ESRRG: variants seen among roughly 807,000 people sequenced by gnomAD.
ESRRG encodes estrogen-related receptor gamma.
A neutral mutation model predicts 44.0 loss-of-function variants in ESRRG; 13 were observed. The ratio of observed to expected loss-of-function variants is 0.30; its 90% CI spans 0.19 to 0.47. The LOEUF is 0.47. Ranked by LOEUF, ESRRG falls within the 20% of genes least tolerant of loss-of-function variation. ESRRG has a pLI of 1.00. For missense variants in ESRRG, 395 were observed against 580.6 expected (o/e 0.68, Z 3.29); for synonymous variants, 215 against 214.6 (o/e 1.00, Z -0.02).
intron 1 of ESRRG, among the ~76,000 whole-genome samples, chr1:217,054,930 G>A (rs2086786879): frequency 6.6e-6 from 1 of 152,144 alleles, no homozygotes; most frequent in South Asian, 2.1e-4. Context: ...CTCTGGTTGT[G>A]ATTGTAGCAC....
chr1:216,640,479 C>T (rs2066172091), intron 3 of ESRRG, among the ~76,000 whole-genome samples: 1 of 117,502 alleles, frequency 8.5e-6, no homozygotes, highest in African/African-American at 3.4e-5. Flanking sequence ...CCTCAACCTA[C>T]TAAGTGAGGG....
chr1:216,669,867 C>A (rs1382798298), intron 2 of ESRRG, among the ~76,000 whole-genome samples: 1 of 150,276 alleles, frequency 6.7e-6, no homozygotes. Flanking sequence ...GCCTGGGTAA[C>A]AGAAAGAGAC....
In ESRRG at chr1:216,735,816, T is replaced by C. The variant is rs2089757369; in HGVS notation, c.-13-58325A>G. Among the ~76,000 whole-genome samples, 4 of 151,436 alleles carry C rather than the reference T, an allele frequency of 2.6e-5. No homozygotes were observed. The South Asian group carries it at 8.4e-4, about 32-fold the overall frequency. On this transcript the variant is annotated intron_variant, in intron 2 of 7. Transcript: ENST00000359162. ...CAAGATGGTGAAACCCCGTCTCTAC[T>C]AAAAATACAAAAATTAGCCAGGCAT...
At chr1:216,747,704 G>A (rs748439835) in intron 2 of ESRRG, among the ~76,000 whole-genome samples, 3 of 152,122 alleles carry the variant, frequency 2.0e-5, no homozygotes, top group African/African-American at 7.2e-5. Context: ...TGAGCGAAAC[G>A]TTCAATCATT....
intron 3 of ESRRG, among the ~76,000 whole-genome samples, chr1:216,577,416 A>G (rs1405871118): frequency 6.6e-6 from 1 of 152,022 alleles, no homozygotes; most frequent in East Asian, 1.9e-4. Context: ...TCATATGAAT[A>G]AAGTTATGAA....
chr1:216,689,169 A>AT (rs970006016), intron 1 of ESRRG, among the ~76,000 whole-genome samples: 1 of 152,172 alleles, frequency 6.6e-6, no homozygotes, highest in African/African-American at 2.4e-5. Flanking sequence ...TGTTAAATGT[A>AT]TTTTATTGCT....
At chr1:216,755,506 T>C (rs2092388005) in intron 2 of ESRRG, among the ~76,000 whole-genome samples, 1 of 152,084 alleles carries the variant, frequency 6.6e-6, no homozygotes, top group Admixed American at 6.6e-5. Context: ...AAAATAGCTT[T>C]GTTATATTCA....
chr1:216,933,201 T>G (rs2063624444), intron 2 of ESRRG, among the ~76,000 whole-genome samples: 1 of 152,178 alleles, frequency 6.6e-6, no homozygotes, highest in Non-Finnish European at 1.5e-5. Flanking sequence ...TTCCAAATTT[T>G]CTATATTGAC....
chr1:216,838,137 C>A (rs1446667351), intron 2 of ESRRG, among the ~76,000 whole-genome samples: 2 of 152,134 alleles, frequency 1.3e-5, no homozygotes, highest in Non-Finnish European at 2.9e-5. Context: ...GCTGGTGAAA[C>A]ACCTTTCTCT....
intron 2 of ESRRG, among the ~76,000 whole-genome samples, chr1:216,807,599 G>C (rs2094837603): frequency 6.6e-6 from 1 of 152,054 alleles, no homozygotes; most frequent in Admixed American, 6.6e-5. Context: ...AAAGAACCTT[G>C]AGGTACAGAT....
chr1:216,907,167 G>A (rs116406959), intron 2 of ESRRG, among the ~76,000 whole-genome samples: 1,965 of 152,240 alleles, frequency 0.013, 51 homozygotes, highest in African/African-American at 0.043. Context: ...CCTGGCCACC[G>A]GCTGTTACTG....
chr1:216,767,610 T>A (rs1380890713), intron 2 of ESRRG, among the ~76,000 whole-genome samples: 10 of 152,164 alleles, frequency 6.6e-5, no homozygotes, highest in Admixed American at 6.6e-4. Flanking sequence ...ACAAAACTTA[T>A]ACAGTGCAAA....
intron 1 of ESRRG, among the ~76,000 whole-genome samples, chr1:216,695,994 A>G (rs894260576): frequency 1.3e-5 from 2 of 152,236 alleles, no homozygotes; most frequent in African/African-American, 4.8e-5. Context: ...AGATGCTGGC[A>G]TAGATGCTTG....
chr1:216,776,312 C>T (rs959096146), intron 2 of ESRRG, among the ~76,000 whole-genome samples: 2 of 152,096 alleles, frequency 1.3e-5, no homozygotes, highest in Non-Finnish European at 2.9e-5. Context: ...ACTCTACTCC[C>T]AACACACATT....
chr1:216,787,244 C>T (rs866878692), intron 2 of ESRRG, among the ~76,000 whole-genome samples: 1 of 152,074 alleles, frequency 6.6e-6, no homozygotes, highest in Admixed American at 6.6e-5. Context: ...TCTCTGGTCT[C>T]TCTCTCTCTG....
At chr1:216,735,015 T>C (rs1244896961) in intron 2 of ESRRG, among the ~76,000 whole-genome samples, 1 of 150,070 alleles carries the variant, frequency 6.7e-6, no homozygotes, top group Non-Finnish European at 1.5e-5. Context: ...TTCAAGTGAT[T>C]CTCCTGCCTC....
chr1:216,829,324 C>T (rs953838681), intron 2 of ESRRG, among the ~76,000 whole-genome samples: 10 of 152,060 alleles, frequency 6.6e-5, no homozygotes, highest in African/African-American at 2.4e-4. Flanking sequence ...TCACCATCAA[C>T]ACGAAAGGGC....
chr1:217,133,633 C>CTTTCTCTCTCTCTT, intron 1 of ESRRG, among the ~76,000 whole-genome samples: 1 of 96,660 alleles, frequency 1.0e-5, no homozygotes, highest in Non-Finnish European at 2.0e-5. Context: ...TTCTTTCTTT[C>CTTTCTCTCTCTCTT]TCTCTCTCTC....
At chr1:216,961,663 G>C (rs150905075) in intron 1 of ESRRG, among the ~76,000 whole-genome samples, 1 of 150,412 alleles carries the variant, frequency 6.6e-6, no homozygotes, top group Admixed American at 6.6e-5. Context: ...TGTTTTCTAC[G>C]GCAGCATATG....
Sources: gnomAD v4.1 joint callset for allele counts (sites outside exome capture counted in the v4.1 genomes callset) on GRCh38, gnomAD v4.1.1 for gene constraint, MANE v1.5 for transcripts, NCBI Gene and HGNC (gene_info 2026-07-23, HGNC 2026-07-21) for gene names.